Variants in CDC42SE2 observed in about 807,000 individuals in gnomAD.
The protein encoded by CDC42SE2 is CDC42 small effector 2.
CDC42SE2 carries 3 observed loss-of-function variants against 11.5 expected under a neutral mutation model. That is an observed-to-expected ratio of 0.26 (90% CI 0.12 to 0.67). The LOEUF is 0.67. CDC42SE2 is among the 30% of genes least tolerant of loss of function. CDC42SE2 has a pLI of 0.80. For missense variants in CDC42SE2, 82 were observed against 106.8 expected (o/e 0.77, Z 1.02); for synonymous variants, 33 against 34.8 (o/e 0.95, Z 0.18).
At chr5:131,357,362 C>T (rs1749582430) in intron 2 of CDC42SE2, among the ~76,000 whole-genome samples, 1 of 152,234 alleles carries the variant, frequency 6.6e-6, no homozygotes, top group African/African-American at 2.4e-5. Context: ...CCTTGTTATA[C>T]TACCCAGATT....
chr5:131,294,270 A>G (rs1014933802), intron 1 of CDC42SE2, among the ~76,000 whole-genome samples: 6 of 152,230 alleles, frequency 3.9e-5, no homozygotes, highest in African/African-American at 1.4e-4. Flanking sequence ...TCACACAAAA[A>G]TATAATAATT....
chr5:131,371,772 A>G (rs1011332038), intron 3 of CDC42SE2, among the ~76,000 whole-genome samples: 1 of 152,252 alleles, frequency 6.6e-6, no homozygotes, highest in Non-Finnish European at 1.5e-5. Flanking sequence ...AGAAATGAAC[A>G]CCCATGTTGG....
At position 131,293,124 on chromosome 5, in the gene CDC42SE2, C is replaced by T. The variant is rs541038916; in HGVS notation, c.-454-22852C>T. The stretch of plus-strand genomic sequence containing the variant: ...CCCCTCAAATTCATATGTTGAAATT[C>T]TAACCCGCAACGTGATGGTAATAGG... On this transcript the variant is annotated intron_variant, in intron 1 of 4. Coordinates refer to ENST00000505065, the MANE Select transcript of CDC42SE2 (RefSeq NM_001375635.1). Among the ~76,000 whole-genome samples the T allele has an allele frequency of 4.6e-5, 7 of 152,030 alleles. No homozygotes were observed. The East Asian group carries it at 9.7e-4, about 21-fold the overall frequency.
chr5:131,282,907 G>A (rs183074657), intron 1 of CDC42SE2, among the ~76,000 whole-genome samples: 1 of 149,394 alleles, frequency 6.7e-6, no homozygotes, highest in Non-Finnish European at 1.5e-5. Context: ...GGGATTACAA[G>A]TGTGAGCCAC....
intron 1 of CDC42SE2, among the ~76,000 whole-genome samples, chr5:131,307,937 G>C (rs1757814521): frequency 6.6e-6 from 1 of 152,106 alleles, no homozygotes; most frequent in Non-Finnish European, 1.5e-5. Context: ...TTGTAAATTT[G>C]TTTGAGTTCC....
Position 131,393,732 on chromosome 5 carries a change from C to T in CDC42SE2, c.*2641C>T, listed in dbSNP as rs1298463790. On this transcript the variant is annotated 3_prime_UTR_variant, in exon 5 of 5. Transcript: ENST00000505065. ...TCTTTAAATTAGTACAATTTTTCTA[C>T]TTGTCATATAACTCCTGGAACAATA... 6.6e-6 allele frequency: 1 copy of T among 151,838 alleles called. No homozygotes were observed. The highest frequency in any genetic ancestry group is 2.4e-5 in the African/African-American group (1 of 41,284). 9.4% of individuals were successfully genotyped at this position (151,838 alleles called of 1,614,324 possible).
rs138042828 is a variant in CDC42SE2, at chr5:131,340,175, G to T, written c.-285-19034G>T. On this transcript the variant is annotated intron_variant, in intron 2 of 4. Coordinates refer to ENST00000505065, the MANE Select transcript of CDC42SE2 (RefSeq NM_001375635.1). ...AAAATACAGTAGTCCCATTTTATTCGTGGTTTTGCTTTCTTTGGTTTCAGT... is the reference window on the plus strand; with the variant it reads ...AAAATACAGTAGTCCCATTTTATTCTTGGTTTTGCTTTCTTTGGTTTCAGT... Among the ~76,000 whole-genome samples the T allele has an allele frequency of 4.8e-3, 731 of 152,260 alleles. 2 individuals carry two copies. The highest frequency in any genetic ancestry group is 6.6e-3 in the Non-Finnish European group (451 of 68,010).
chr5:131,356,677 T>C (rs1049358512), intron 2 of CDC42SE2, among the ~76,000 whole-genome samples: 2 of 152,202 alleles, frequency 1.3e-5, no homozygotes, highest in African/African-American at 4.8e-5. Context: ...GCCAGCACTT[T>C]GGGAGGCTGA....
intron 1 of CDC42SE2, among the ~76,000 whole-genome samples, chr5:131,310,268 T>C (rs1252274135): frequency 6.6e-6 from 1 of 152,000 alleles, no homozygotes; most frequent in African/African-American, 2.4e-5. Context: ...TGAGTGAGAT[T>C]CTTAATCCTG....
intron 1 of CDC42SE2, among the ~76,000 whole-genome samples, chr5:131,307,599 G>A (rs1274671830): frequency 1.3e-5 from 2 of 152,100 alleles, no homozygotes; most frequent in East Asian, 1.9e-4. Flanking sequence ...GGACGGCTGG[G>A]TCAAATGGTA....
At chr5:131,380,039 G>C (rs1750272708) in intron 3 of CDC42SE2, among the ~76,000 whole-genome samples, 1 of 151,274 alleles carries the variant, frequency 6.6e-6, no homozygotes, top group Non-Finnish European at 1.5e-5. Context: ...TGATTCTTCT[G>C]CCTCAGCCTC....
intron 2 of CDC42SE2, among the ~76,000 whole-genome samples, chr5:131,337,242 C>G (rs1358331585): frequency 6.6e-6 from 1 of 152,164 alleles, no homozygotes; most frequent in Non-Finnish European, 1.5e-5. Flanking sequence ...ACTCCAGACC[C>G]TGTTTGCCTG....
At chr5:131,212,961 T>A in the CDC42SE2 span, among the ~76,000 whole-genome samples, 1 of 152,122 alleles carries the variant, frequency 6.6e-6, no homozygotes, top group Non-Finnish European at 1.5e-5. Flanking sequence ...AAGGCCAAGG[T>A]GGGTGGATCA....
intron 4 of CDC42SE2, among the ~76,000 whole-genome samples, chr5:131,387,987 GTGT>G (rs1750537999): frequency 6.6e-6 from 1 of 152,120 alleles, no homozygotes; most frequent in Non-Finnish European, 1.5e-5. Flanking sequence ...GCTAGGAATG[GTGT>G]TGTTCAATTA....
At chr5:131,283,395 T>C (rs1757278658) in intron 1 of CDC42SE2, among the ~76,000 whole-genome samples, 1 of 152,242 alleles carries the variant, frequency 6.6e-6, no homozygotes, top group Non-Finnish European at 1.5e-5. Context: ...GGACATTTAA[T>C]GTAAGTGGAA....
intron 2 of CDC42SE2, among the ~76,000 whole-genome samples, chr5:131,344,666 C>T (rs552308736): frequency 2.8e-4 from 43 of 152,264 alleles, no homozygotes; most frequent in African/African-American, 4.1e-4. Context: ...TCTCCCAGCA[C>T]GGAGTTTCAG....
the CDC42SE2 span, among the ~76,000 whole-genome samples, chr5:131,235,622 T>A: frequency 3.5e-5 from 5 of 144,156 alleles, no homozygotes; most frequent in African/African-American, 1.3e-4. Context: ...TTAGACAGAG[T>A]CTCACTGTGT....
chr5:131,286,098 A>G (rs1757334550), intron 1 of CDC42SE2, among the ~76,000 whole-genome samples: 1 of 139,362 alleles, frequency 7.2e-6, no homozygotes, highest in Admixed American at 7.9e-5. Flanking sequence ...TGTGTCACCC[A>G]TGCTGGAGTG....
chr5:131,344,659 C>T (rs1758796514), intron 2 of CDC42SE2, among the ~76,000 whole-genome samples: 1 of 152,174 alleles, frequency 6.6e-6, no homozygotes, highest in Non-Finnish European at 1.5e-5. Context: ...TAGTGGTTCT[C>T]CCAGCACGGA....
Sources: gnomAD v4.1 joint callset for allele counts (sites outside exome capture counted in the v4.1 genomes callset) on GRCh38, gnomAD v4.1.1 for gene constraint, MANE v1.5 for transcripts, NCBI Gene and HGNC (gene_info 2026-07-23, HGNC 2026-07-21) for gene names.